The following CSDC2 variants were observed in gnomAD, a reference collection of about 807,000 sequenced individuals.
CSDC2 encodes the protein cold shock domain-containing protein C2.
CSDC2 carries 8 observed loss-of-function variants against 15.8 expected under a neutral mutation model. The observed-to-expected ratio is 0.51, with a 90% CI of 0.30 to 0.92. CSDC2 has a LOEUF of 0.92. CSDC2 is among the 40% of genes least tolerant of loss of function. The pLI, the probability that CSDC2 is intolerant of heterozygous loss-of-function variation, is 0.07. For missense variants in CSDC2, 195 were observed against 213.3 expected, an observed-to-expected ratio of 0.91 and a Z score of 0.53; for synonymous variants, 96 against 92.3, an observed-to-expected ratio of 1.04 and a Z score of -0.23.
intron 1 of CSDC2, among the ~76,000 whole-genome samples, chr22:41,564,436 A>AT (rs2067103324): frequency 6.6e-6 from 1 of 151,594 alleles, no homozygotes; most frequent in Non-Finnish European, 1.5e-5. Flanking sequence ...AATTTTTTGT[A>AT]TTTTTAGCAG....
At chr22:41,564,815 G>T (rs2067105486) in intron 1 of CSDC2, among the ~76,000 whole-genome samples, 1 of 152,174 alleles carries the variant, frequency 6.6e-6, no homozygotes, top group African/African-American at 2.4e-5. Context: ...CACAGCACTG[G>T]GTGGCTGACC....
At chr22:41,562,148 A>T (rs2067089425) in intron 1 of CSDC2, among the ~76,000 whole-genome samples, 1 of 151,572 alleles carries the variant, frequency 6.6e-6, no homozygotes, top group African/African-American at 2.4e-5. Flanking sequence ...GGGGTGGGCA[A>T]CCTCTCTGAG....
chr22:41,563,386 A>G (rs1013344403), intron 1 of CSDC2, among the ~76,000 whole-genome samples: 1 of 152,090 alleles, frequency 6.6e-6, no homozygotes, highest in Non-Finnish European at 1.5e-5. Context: ...GATGTTCGGG[A>G]AGCCCTTCCA....
chr22:41,563,383 G>C (rs190997834), intron 1 of CSDC2, among the ~76,000 whole-genome samples: 1 of 152,222 alleles, frequency 6.6e-6, no homozygotes, highest in Non-Finnish European at 1.5e-5. Context: ...CCCGATGTTC[G>C]GGAAGCCCTT....
chr22:41,573,875 G>T (rs1041009033), intron 3 of CSDC2, 98 bp downstream of exon 3: 6 of 1,450,364 alleles, frequency 4.1e-6, no homozygotes, highest in Non-Finnish European at 5.6e-6. Flanking sequence ...ACTGGCTGAG[G>T]TCTGTATTCA....
chr22:41,566,296 T>C (rs2145596872), intron 1 of CSDC2, among the ~76,000 whole-genome samples: 1 of 151,570 alleles, frequency 6.6e-6, no homozygotes, highest in South Asian at 2.1e-4. Flanking sequence ...TACAAAAAAT[T>C]AGCTGGGCGT....
intron 1 of CSDC2, among the ~76,000 whole-genome samples, chr22:41,566,960 T>C (rs988609684): frequency 2.7e-4 from 40 of 148,840 alleles, no homozygotes; most frequent in African/African-American, 9.7e-4. Flanking sequence ...GTCACAAAAC[T>C]GGGTTGCAGT....
chr22:41,562,093 C>A (rs1476796719), intron 1 of CSDC2, among the ~76,000 whole-genome samples: 1 of 152,158 alleles, frequency 6.6e-6, no homozygotes, highest in Non-Finnish European at 1.5e-5. Flanking sequence ...TGAACTGCTG[C>A]ATCCACTGGG....
intron 1 of CSDC2, among the ~76,000 whole-genome samples, chr22:41,563,761 A>G (rs2067099211): frequency 1.3e-5 from 2 of 152,034 alleles, no homozygotes; most frequent in African/African-American, 4.8e-5. Flanking sequence ...TCTGAGCCTC[A>G]GTTTACTCTT....
At chr22:41,573,906 G>C (rs1002374965) in intron 3 of CSDC2, 129 bp downstream of exon 3, 14 of 1,242,380 alleles carry the variant, frequency 1.1e-5, no homozygotes, top group Non-Finnish European at 1.5e-5. Flanking sequence ...TCTGTCCTCT[G>C]AGTAGGGGCT....
rs1037780521 is a variant in CSDC2, at chr22:41,571,989, C to T, written c.24C>T (p.Pro8=). The part of the protein sequence containing the change: MTSESTS[P]PVVPPLHSPK... The stretch of plus-strand genomic sequence containing the variant: ...CCATGACTTCAGAGTCGACGTCACC[C>T]CCAGTTGTGCCCCCGCTCCACTCCC... Residue 8 remains proline, a synonymous_variant, in exon 2 of 4, where the codon CCC becomes CCT. Transcript: ENST00000306149. 7 of 1,363,390 alleles carry T rather than the reference C, an allele frequency of 5.1e-6. No individual in the cohort carries two copies. Among genetic ancestry groups the T allele is most frequent in the Non-Finnish European group, 6.6e-6 (7 of 1,056,602 alleles). The allele number at this position is 1,363,390 out of a possible 1,614,324, so 84.5% of individuals were successfully genotyped here. A position where few individuals can be genotyped will look rare whatever the true frequency, so the allele number is the denominator to read the frequency against.
Position 41,572,949 on chromosome 22 carries a change from C to T in CSDC2, c.177-706C>T, listed in dbSNP as rs530528633. Among the ~76,000 whole-genome samples, 17 of 152,276 alleles carry T rather than the reference C, an allele frequency of 1.1e-4. No individual in the cohort carries two copies. In the East Asian group the frequency reaches 3.3e-3, roughly 30 times the overall value. Reference sequence around the variant, plus strand: ...GGAGTGCAGTGGTGCAGTCATGGCTCACTGCAGCCTCAACTTCCTGGCCTT... The same window carrying T: ...GGAGTGCAGTGGTGCAGTCATGGCTTACTGCAGCCTCAACTTCCTGGCCTT... On this transcript the variant is annotated intron_variant, in intron 2 of 3. Coordinates refer to ENST00000306149, the MANE Select transcript of CSDC2 (RefSeq NM_014460.4).
At chr22:41,565,449 CAAA>C (rs34460484) in intron 1 of CSDC2, among the ~76,000 whole-genome samples, 4 of 57,480 alleles carry the variant, frequency 7.0e-5, no homozygotes, top group Admixed American at 1.9e-4. Context: ...GATTCCATCT[CAAA>C]AAAAAAAAAA....
At chr22:41,565,354 G>A (rs909246258) in intron 1 of CSDC2, among the ~76,000 whole-genome samples, 1 of 149,772 alleles carries the variant, frequency 6.7e-6, no homozygotes, top group African/African-American at 2.5e-5. Flanking sequence ...GGAGGCTAAG[G>A]AAGGAGAATT....
intron 1 of CSDC2, among the ~76,000 whole-genome samples, chr22:41,565,746 CT>C (rs2067110710): frequency 6.6e-6 from 1 of 152,232 alleles, no homozygotes; most frequent in African/African-American, 2.4e-5. Flanking sequence ...CCCCATGACA[CT>C]GCATCCAGCC....
intron 1 of CSDC2, among the ~76,000 whole-genome samples, chr22:41,563,409 T>G (rs1181615031): frequency 6.6e-6 from 1 of 152,150 alleles, no homozygotes; most frequent in Non-Finnish European, 1.5e-5. Context: ...GTCATCCTTG[T>G]GTTCCCCGTC....
At chr22:41,574,648 C>T (rs2067165782) in intron 3 of CSDC2, 85 bp from the exon 4 acceptor site, 1 of 1,513,620 alleles carries the variant, frequency 6.6e-7, no homozygotes. Flanking sequence ...AGGCTTAGGG[C>T]CAGGCTGCCC....
At chr22:41,564,323 G>A (rs368500890) in intron 1 of CSDC2, among the ~76,000 whole-genome samples, 17 of 151,498 alleles carry the variant, frequency 1.1e-4, no homozygotes, top group East Asian at 6.0e-4. Flanking sequence ...GCAGTGGCGC[G>A]ATCTCGGCTC....
At chr22:41,570,821 CAAAAA>C in intron 1 of CSDC2, among the ~76,000 whole-genome samples, 1 of 89,652 alleles carries the variant, frequency 1.1e-5, no homozygotes, top group Non-Finnish European at 2.5e-5. Context: ...GACTCTGTCT[CAAAAA>C]AAAAAAAAAA....
Sources: gnomAD v4.1 joint callset for allele counts (sites outside exome capture counted in the v4.1 genomes callset) on GRCh38, gnomAD v4.1.1 for gene constraint, MANE v1.5 for transcripts, NCBI Gene and HGNC (gene_info 2026-07-23, HGNC 2026-07-21) for gene names.